DHCR24: variants seen among roughly 807,000 people sequenced by gnomAD.
DHCR24 encodes delta(24)-sterol reductase.
DHCR24 carries 28 observed loss-of-function variants against 61.2 expected under a neutral mutation model. The ratio of observed to expected loss-of-function variants is 0.46; its 90% CI spans 0.34 to 0.63. The LOEUF is 0.63. DHCR24 is among the 20% of genes least tolerant of loss of function. The pLI is 0.01. For missense variants in DHCR24, 538 were observed against 679.1 expected (o/e 0.79, Z 2.31); for synonymous variants, 261 against 275.9 (o/e 0.95, Z 0.54).
intron 5 of DHCR24, among the ~76,000 whole-genome samples, chr1:54,870,090 C>T (rs1646989959): frequency 2.6e-5 from 4 of 151,524 alleles, no homozygotes; most frequent in African/African-American, 9.7e-5. Flanking sequence ...GACATGGTGG[C>T]ACACGCCTGT....
In DHCR24 at chr1:54,858,324, C is replaced by T. The variant is rs74776578; in HGVS notation, c.1021-4090G>A. Among the ~76,000 whole-genome samples the T allele has an allele frequency of 2.7e-3, 411 of 152,348 alleles. 2 individuals are homozygous for T. Among genetic ancestry groups the T allele is most frequent in the African/African-American group, 9.3e-3 (387 of 41,580 alleles). On this transcript the variant is annotated intron_variant, in intron 6 of 8. Coordinates refer to ENST00000371269, the MANE Select transcript of DHCR24 (RefSeq NM_014762.4). ...CCACTGGCCTAAAGGTGACACAACT[C>T]TGGAGGGCCATCTTACCCCAGGGCT...
In DHCR24 at chr1:54,870,721, A is replaced by G. The variant is rs1646993958; in HGVS notation, c.876+629T>C. Among the ~76,000 whole-genome samples the G allele has an allele frequency of 4.6e-5, 7 of 152,230 alleles. 1 individual carries two copies. The South Asian group carries it at 1.4e-3, about 32-fold the overall frequency. ...GGTTGAATCCACTGTTGTGGAACCC[A>G]CAGATACAAGGGGCCAACTGTGTAC... On this transcript the variant is annotated intron_variant, in intron 5 of 8. Coordinates refer to ENST00000371269, the MANE Select transcript of DHCR24 (RefSeq NM_014762.4).
At chr1:54,867,973 A>C (rs1646976332) in intron 5 of DHCR24, among the ~76,000 whole-genome samples, 1 of 152,166 alleles carries the variant, frequency 6.6e-6, no homozygotes. Context: ...CAGAAGCTGG[A>C]ATTTAAATCT....
In DHCR24 at chr1:54,852,237, T is replaced by C. The variant is rs1364075108; in HGVS notation, c.1547A>G (p.His516Arg). The C allele has an allele frequency of 1.2e-6, 2 of 1,614,126 alleles. No homozygotes were observed. The highest frequency in any genetic ancestry group is 1.7e-6 in the Non-Finnish European group (2 of 1,180,052). The change falls in exon 9 of 9, where the codon CAC becomes CGC. Residue 516 changes from histidine (H) to arginine (R), a missense_variant. Transcript: ENST00000371269. The stretch of plus-strand genomic sequence containing the variant: ...TCTCTCCAGGCGGGCTCCAGCTCAG[T>C]GCCTGGCGGCCTTGCAGATCTTGTC... ...VYDKICKAAR[H>R] is the part of the protein sequence containing the mutation.
intron 2 of DHCR24, among the ~76,000 whole-genome samples, chr1:54,882,129 A>T (rs1413387503): frequency 6.0e-5 from 7 of 116,582 alleles, no homozygotes; most frequent in African/African-American, 2.4e-4. Context: ...TTAAAAGTTT[A>T]AAAGAAAAAA....
Position 54,853,520 on chromosome 1 carries a change from A to G in DHCR24, c.1311T>C (p.Ile437=), listed in dbSNP as rs762563670. ...KGNEAELYID[I]GAYGEPRVKH... is the part of the protein sequence containing the mutation. ...TCACACGCGGCTCCCCATATGCTCC[A>G]ATGTCGATGTAGAGCTCTGCCTCAT... is the stretch of plus-strand genomic sequence containing the variant. The change falls in exon 8 of 9, where the codon ATT becomes ATC. Residue 437 remains isoleucine (I), a synonymous_variant. Coordinates refer to ENST00000371269, the MANE Select transcript of DHCR24 (RefSeq NM_014762.4). 2.5e-6 allele frequency: 4 copies of G among 1,614,010 alleles called. No individual in the cohort carries two copies. Among genetic ancestry groups the G allele is most frequent in the Non-Finnish European group, 3.4e-6 (4 of 1,180,034 alleles).
intron 2 of DHCR24, among the ~76,000 whole-genome samples, chr1:54,882,389 G>A (rs1379124436): frequency 6.6e-6 from 1 of 152,166 alleles, no homozygotes; most frequent in Non-Finnish European, 1.5e-5. Context: ...TCACGCTGCT[G>A]GTGGAAATGT....
At chr1:54,862,432 G>A (rs1325495003) in intron 6 of DHCR24, among the ~76,000 whole-genome samples, 1 of 152,146 alleles carries the variant, frequency 6.6e-6, no homozygotes, top group Non-Finnish European at 1.5e-5. Flanking sequence ...AGCAGCATGT[G>A]GCACAGTTGC....
rs1360976607 is a variant in DHCR24 at position 54,851,405 on chromosome 1, C to T, written c.*828G>A. 4.6e-5 allele frequency: 7 copies of T among 152,444 alleles called. No homozygotes were observed. Among genetic ancestry groups the T allele is most frequent in the African/African-American group, 1.7e-4 (7 of 41,368 alleles). The allele number at this position is 152,444 out of a possible 1,614,324, so 9.4% of individuals were successfully genotyped here. On this transcript the variant is annotated 3_prime_UTR_variant, in exon 9 of 9. Transcript: ENST00000371269. Reference sequence around the variant, plus strand: ...TGAGCCAAGAAGAATGAGCCCAGGTCCCCTGGATCCAATTCAGAGCGGAGA... The same window carrying T: ...TGAGCCAAGAAGAATGAGCCCAGGTTCCCTGGATCCAATTCAGAGCGGAGA...
chr1:54,859,597 TGGGATTACA>T (rs1646925020), intron 6 of DHCR24, among the ~76,000 whole-genome samples: 1 of 152,134 alleles, frequency 6.6e-6, no homozygotes, highest in East Asian at 1.9e-4. Flanking sequence ...CCCTTGTAGC[TGGGATTACA>T]GGCATGCCCC....
Position 54,887,016 on chromosome 1 carries a change from A to C in DHCR24, c.104T>G (p.Val35Gly). The stretch of plus-strand genomic sequence containing the variant: ...CGAGAGCGGCAGGAGGAAGAGGCAC[A>C]CGAACACCCAGCGCTGGTGGATGAG... ...FVLIHQRWVF[V>G]CLFLLPLSLI... is the part of the protein sequence containing the mutation. The change falls in exon 1 of 9, where the codon GTG (valine) becomes GGG (glycine). Residue 35 changes from valine to glycine, a missense_variant. Physicochemically the swap from Val to Gly is moderately radical, Grantham distance 109. Coordinates refer to ENST00000371269, the MANE Select transcript of DHCR24 (RefSeq NM_014762.4). 6.2e-7 allele frequency: 1 copy of C among 1,613,498 alleles called. No individual in the cohort carries two copies. The highest frequency in any genetic ancestry group is 8.5e-7 in the Non-Finnish European group (1 of 1,179,704).
chr1:54,876,622 C>A (rs1019631191), intron 2 of DHCR24, among the ~76,000 whole-genome samples: 2 of 151,728 alleles, frequency 1.3e-5, no homozygotes, highest in Non-Finnish European at 2.9e-5. Flanking sequence ...CCACTGCACT[C>A]CAGCCTAGGC....
At chr1:54,861,962 C>T (rs1428063840) in intron 6 of DHCR24, among the ~76,000 whole-genome samples, 2 of 152,182 alleles carry the variant, frequency 1.3e-5, no homozygotes, top group African/African-American at 2.4e-5. Flanking sequence ...ACCCTCCCAC[C>T]ACCCTATGGT....
In DHCR24 at chr1:54,883,666, G is replaced by A; in HGVS notation, c.339C>T (p.Asn113=). 6.2e-7 allele frequency: 1 copy of A among 1,614,214 alleles called. No homozygotes were observed. The highest frequency in any genetic ancestry group is 1.1e-5 in the South Asian group (1 of 91,088). The change falls in exon 2 of 9, where the codon AAC becomes AAT. Residue 113 remains asparagine (N), a synonymous_variant. Transcript: ENST00000371269. This position sits in a 1 kb window ranked among gnomAD's most constrained non-coding sequence, Gnocchi z 4.3. The stretch of plus-strand genomic sequence containing the variant: ...GAATGTCCATCAGGTTGATCATGAT[G>A]TTTTTGTGTGTCTTCTTGTACTTCC... ...RVGKYKKTHK[N]IMINLMDILE... is the part of the protein sequence containing the mutation.
Position 54,866,695 on chromosome 1 carries a change from G to C in DHCR24, c.877-1249C>G, listed in dbSNP as rs543222423. Among the ~76,000 whole-genome samples, 37 of 152,272 alleles carry C rather than the reference G, an allele frequency of 2.4e-4. 1 individual carries two copies. The highest frequency in any genetic ancestry group is 8.7e-4 in the African/African-American group (36 of 41,556). On this transcript the variant is annotated intron_variant, in intron 5 of 8. Transcript: ENST00000371269. ...CCCTACAGCCAGGCAACCCTTTGCC[G>C]TGGATCTCTGGCCTCCAGCACTTGC...
intron 6 of DHCR24, among the ~76,000 whole-genome samples, chr1:54,862,993 A>G (rs993526981): frequency 2.0e-5 from 3 of 147,712 alleles, no homozygotes; most frequent in Non-Finnish European, 3.0e-5. Context: ...AGAGAATGGC[A>G]TGAACCCGGG....
At chr1:54,875,723 C>T (rs1647025159) in intron 3 of DHCR24, among the ~76,000 whole-genome samples, 1 of 152,080 alleles carries the variant, frequency 6.6e-6, no homozygotes. Context: ...CAGATTCAAA[C>T]CAGAAATTAA....
At chr1:54,885,900 G>A (rs1196369226) in intron 1 of DHCR24, among the ~76,000 whole-genome samples, 5 of 152,158 alleles carry the variant, frequency 3.3e-5, no homozygotes, top group Non-Finnish European at 7.3e-5. Flanking sequence ...CCATGACTGT[G>A]ACCAGCAAAA....
rs654561 is a variant in DHCR24 at position 54,850,409 on chromosome 1, A to C, written c.*1824T>G. 0.99 allele frequency: 150,782 copies of C among 152,402 alleles called. 74,606 individuals carry two copies. The highest frequency in any genetic ancestry group is 1 in the Middle Eastern group (294 of 294). 9.4% of individuals were successfully genotyped at this position (152,402 alleles called of 1,614,324 possible). A position where few individuals can be genotyped will look rare whatever the true frequency, so the allele number is the denominator to read the frequency against. On this transcript the variant is annotated 3_prime_UTR_variant, in exon 9 of 9. Transcript: ENST00000371269. Reference sequence around the variant, plus strand: ...CTTTGTAAAATATAGGATGAGGTTTATTTCTTTCTTCTGCCCCCTCCAGAG... The same window carrying C: ...CTTTGTAAAATATAGGATGAGGTTTCTTTCTTTCTTCTGCCCCCTCCAGAG...
Sources: allele counts gnomAD v4.1 joint callset (sites outside exome capture counted in the v4.1 genomes callset), GRCh38; gene constraint gnomAD v4.1.1; non-coding constraint Gnocchi (gnomAD v3.1); transcripts MANE v1.5; gene names NCBI Gene and HGNC (gene_info 2026-07-23, HGNC 2026-07-21).